COL25A1: variants seen among roughly 807,000 people sequenced by gnomAD.
The protein encoded by COL25A1 is collagen type XXV alpha 1 chain.
In COL25A1, 103 loss-of-function variants were observed where a neutral mutation model predicts 128.4. That is an observed-to-expected ratio of 0.80 (90% CI 0.68 to 0.94). The LOEUF (loss-of-function observed/expected upper bound fraction) is 0.94. Among genes scored for constraint, COL25A1 ranks in the 40% least tolerant of loss-of-function variants. COL25A1 has a pLI of 0.00. For synonymous variants in COL25A1, 279 were observed against 277.2 expected (o/e 1.01, Z -0.06); for missense variants, 745 against 840.0 (o/e 0.89, Z 1.40).
intron 18 of COL25A1, among the ~76,000 whole-genome samples, chr4:108,888,600 G>A (rs1741092624): frequency 6.6e-6 from 1 of 152,118 alleles, no homozygotes; most frequent in African/African-American, 2.4e-5. Context: ...TATTGCTAAA[G>A]TGACATACAA....
chr4:109,287,346 C>T (rs1723987340), intron 3 of COL25A1, among the ~76,000 whole-genome samples: 1 of 152,070 alleles, frequency 6.6e-6, no homozygotes, highest in Non-Finnish European at 1.5e-5. Flanking sequence ...CACAGGGTTT[C>T]ACCCACAGTA....
intron 3 of COL25A1, among the ~76,000 whole-genome samples, chr4:109,073,766 T>C (rs536486729): frequency 5.9e-5 from 9 of 152,316 alleles, no homozygotes; most frequent in African/African-American, 2.2e-4. Context: ...TCTCTATTAT[T>C]TTGCCAAATT....
At chr4:108,899,966 A>C (rs1742634990) in intron 14 of COL25A1, among the ~76,000 whole-genome samples, 1 of 152,192 alleles carries the variant, frequency 6.6e-6, no homozygotes, top group Non-Finnish European at 1.5e-5. Flanking sequence ...CATTATGAAA[A>C]TAGTTTCCTA....
At chr4:109,089,457 C>T (rs1484300649) in intron 3 of COL25A1, among the ~76,000 whole-genome samples, 1 of 152,088 alleles carries the variant, frequency 6.6e-6, no homozygotes, top group Non-Finnish European at 1.5e-5. Context: ...TTATATAAAA[C>T]CTGTACTCAT....
At chr4:109,162,379 T>A (rs189170559) in intron 3 of COL25A1, among the ~76,000 whole-genome samples, 3 of 152,168 alleles carry the variant, frequency 2.0e-5, no homozygotes, top group Non-Finnish European at 2.9e-5. Flanking sequence ...TTTGTTAAGG[T>A]CAGCAGTCTA....
chr4:109,189,450 A>T (rs977834286), intron 3 of COL25A1, among the ~76,000 whole-genome samples: 2 of 146,534 alleles, frequency 1.4e-5, no homozygotes, highest in African/African-American at 2.5e-5. Flanking sequence ...CGGTAGGCTG[A>T]GGCAGGAGAA....
At chr4:109,204,690 AAG>A (rs1472890422) in intron 3 of COL25A1, among the ~76,000 whole-genome samples, 2 of 152,204 alleles carry the variant, frequency 1.3e-5, no homozygotes, top group Non-Finnish European at 2.9e-5. Flanking sequence ...AGAAAGCAGG[AAG>A]AGATTTGATA....
chr4:109,187,496 G>A lies in COL25A1; in HGVS notation c.367+113087C>T, dbSNP rs967185701. Among the ~76,000 whole-genome samples the A allele has an allele frequency of 3.3e-5, 5 of 152,146 alleles. No individual in the cohort carries two copies. In the South Asian group the frequency reaches 1.0e-3, roughly 32 times the overall value. On this transcript the variant is annotated intron_variant, in intron 3 of 37. Transcript: ENST00000399132. ...TCCTCATTTGTAAGATTGCCTCATA[G>A]GGTTGGCACGAGAATTAAATTAGTT... is the stretch of plus-strand genomic sequence containing the variant.
chr4:109,045,850 C>G (rs1318788407), intron 5 of COL25A1, among the ~76,000 whole-genome samples: 1 of 152,024 alleles, frequency 6.6e-6, no homozygotes, highest in African/African-American at 2.4e-5. Flanking sequence ...ATTATAACTT[C>G]TTTAAAATGT....
chr4:109,245,846 G>A (rs1332201240), intron 3 of COL25A1, among the ~76,000 whole-genome samples: 2 of 152,016 alleles, frequency 1.3e-5, no homozygotes, highest in Non-Finnish European at 2.9e-5. Context: ...ATTAAAGACA[G>A]GCAAGTTCAC....
intron 36 of COL25A1, 64 bp downstream of exon 36, chr4:108,819,188 A>T: frequency 8.0e-7 from 1 of 1,251,244 alleles, no homozygotes; most frequent in South Asian, 1.4e-5. Flanking sequence ...TTACACTGAT[A>T]GAGATGAACA....
At chr4:109,133,953 G>A (rs537864732) in intron 3 of COL25A1, among the ~76,000 whole-genome samples, 8 of 152,230 alleles carry the variant, frequency 5.3e-5, no homozygotes, top group African/African-American at 1.9e-4. Flanking sequence ...CTATGTAAAC[G>A]CATTGAACAC....
intron 6 of COL25A1, among the ~76,000 whole-genome samples, chr4:108,984,393 C>G (rs992341038): frequency 6.6e-6 from 1 of 152,378 alleles, no homozygotes; most frequent in African/African-American, 2.4e-5. Flanking sequence ...TGCGCCTGCA[C>G]TCCTCAGCCC....
intron 11 of COL25A1, among the ~76,000 whole-genome samples, chr4:108,929,690 G>A (rs1746499442): frequency 6.6e-6 from 1 of 152,008 alleles, no homozygotes; most frequent in South Asian, 2.1e-4. Context: ...ATCTGGGTAT[G>A]GTGGTGCATG....
chr4:108,949,162 T>C (rs893177867), intron 8 of COL25A1, among the ~76,000 whole-genome samples: 2 of 152,172 alleles, frequency 1.3e-5, no homozygotes, highest in African/African-American at 4.8e-5. Context: ...AAAATAAAAC[T>C]GTATTGATTT....
intron 3 of COL25A1, among the ~76,000 whole-genome samples, chr4:109,075,912 T>C (rs748743196): frequency 5.9e-5 from 9 of 152,164 alleles, no homozygotes; most frequent in Middle Eastern, 3.2e-3. Flanking sequence ...ATGCATTCTG[T>C]ATCGCAGATT....
chr4:109,147,408 GA>G (rs1771046845), intron 3 of COL25A1, among the ~76,000 whole-genome samples: 1 of 152,142 alleles, frequency 6.6e-6, no homozygotes, highest in Non-Finnish European at 1.5e-5. Context: ...TGAACCCTAG[GA>G]CAGAAGAATT....
intron 35 of COL25A1, chr4:108,819,734 G>A (rs572756426): frequency 1.8e-5 from 12 of 660,430 alleles, no homozygotes; most frequent in South Asian, 7.4e-5. Context: ...CTCCTGTTAC[G>A]GATCCCTCCG....
At chr4:109,205,107 A>C (rs1200606165) in intron 3 of COL25A1, among the ~76,000 whole-genome samples, 2 of 152,204 alleles carry the variant, frequency 1.3e-5, no homozygotes, top group African/African-American at 4.8e-5. Context: ...GTTCAGCTAC[A>C]TCATGTGTCT....
Sources: allele counts gnomAD v4.1 joint callset (sites outside exome capture counted in the v4.1 genomes callset), GRCh38; gene constraint gnomAD v4.1.1; transcripts MANE v1.5; gene names NCBI Gene and HGNC (gene_info 2026-07-23, HGNC 2026-07-21).